The following CSPP1 variants were observed in gnomAD, a reference collection of about 807,000 sequenced individuals.
The protein encoded by CSPP1 is centrosome and spindle pole associated protein 1, also known as centrosome and spindle pole-associated protein 1.
CSPP1 carries 126 observed loss-of-function variants against 164.4 expected under a neutral mutation model. That is an observed-to-expected ratio of 0.77 (90% CI 0.66 to 0.89). The LOEUF (loss-of-function observed/expected upper bound fraction) is 0.89, where lower values mean the gene tolerates loss of function less well. CSPP1 is among the 40% of genes least tolerant of loss of function. The pLI is 0.00. For synonymous variants in CSPP1, 472 were observed against 476.7 expected (o/e 0.99, Z 0.13); for missense variants, 1,395 against 1,449.8 (o/e 0.96, Z 0.61).
Position 67,137,515 on chromosome 8 carries a change from T to C in CSPP1, c.1887T>C (p.Ala629=). 6.3e-7 allele frequency: 1 copy of C among 1,585,788 alleles called. No homozygotes were observed. Among genetic ancestry groups the C allele is most frequent in the Non-Finnish European group, 8.6e-7 (1 of 1,161,904 alleles). ...KEREEKEEYE[A]KLEAEMRTYN... ...GTGAAGAAAAAGAAGAATATGAAGC[T>C]AAATTAGAAGCTGAAATGAGAACAT... The change falls in exon 17 of 31, where the codon GCT becomes GCC. Residue 629 remains alanine, a synonymous_variant. Coordinates refer to ENST00000678616, the MANE Select transcript of CSPP1 (RefSeq NM_001382391.1).
intron 1 of CSPP1, chr8:67,069,208 A>C (rs1402316157): frequency 6.6e-6 from 1 of 152,216 alleles, no homozygotes; most frequent in East Asian, 1.9e-4. Context: ...CTTTGGCTGG[A>C]GATCATTACC....
In CSPP1 at chr8:67,192,999, G is replaced by C. The variant is rs140303373; in HGVS notation, c.3331-465G>C. On this transcript the variant is annotated intron_variant, in intron 29 of 30. Transcript: ENST00000678616. ...ATCACAAATGTTACTCCTTATCCTT[G>C]AGAGTCATCTGAGCTTGCATGGATA... is the stretch of plus-strand genomic sequence containing the variant. Among the ~76,000 whole-genome samples, 46 of 152,262 alleles carry C rather than the reference G, an allele frequency of 3.0e-4. 1 individual carries two copies. The highest frequency in any genetic ancestry group is 1.1e-3 in the African/African-American group (44 of 41,536).
chr8:67,118,927 GT>G, intron 15 of CSPP1, 106 bp downstream of exon 15: 1 of 719,492 alleles, frequency 1.4e-6, no homozygotes. Context: ...CTATTTAGTG[GT>G]ATTTAATATT....
At chr8:67,168,156 G>T (rs1586683106) in intron 24 of CSPP1, among the ~76,000 whole-genome samples, 1 of 152,276 alleles carries the variant, frequency 6.6e-6, no homozygotes, top group South Asian at 2.1e-4. Context: ...AACTAGTCAG[G>T]CGTGGTGGCG....
Position 67,149,944 on chromosome 8 carries a change from T to C in CSPP1, c.2128+9T>C. 2 of 1,363,356 alleles carry C rather than the reference T, an allele frequency of 1.5e-6. No individual in the cohort carries two copies. Among genetic ancestry groups the C allele is most frequent in the Middle Eastern group, 2.4e-4 (1 of 4,246 alleles). The allele number at this position is 1,363,356 out of a possible 1,614,324, so 84.5% of individuals were successfully genotyped here. A position where few individuals can be genotyped will look rare whatever the true frequency, so the allele number is the denominator to read the frequency against. ...TGCAAATAAAAGCTCAGGTTTTTAA[T>C]CACTTTTTTTTTTTTTTTTTTTTTT... On this transcript the variant is annotated intron_variant, in intron 18 of 30. Coordinates refer to ENST00000678616, the MANE Select transcript of CSPP1 (RefSeq NM_001382391.1).
intron 4 of CSPP1, among the ~76,000 whole-genome samples, chr8:67,089,292 A>C (rs1811127378): frequency 6.6e-6 from 1 of 152,176 alleles, no homozygotes; most frequent in Non-Finnish European, 1.5e-5. Context: ...TGACCATCTA[A>C]ACACAGAAAA....
chr8:67,133,239 G>A (rs185206687), intron 16 of CSPP1, among the ~76,000 whole-genome samples: 1 of 152,302 alleles, frequency 6.6e-6, no homozygotes, highest in Admixed American at 6.5e-5. Context: ...TTTCCAAAAT[G>A]TAGACACTTG....
intron 18 of CSPP1, among the ~76,000 whole-genome samples, chr8:67,150,690 C>T (rs928735389): frequency 6.6e-6 from 1 of 152,062 alleles, no homozygotes; most frequent in Non-Finnish European, 1.5e-5. Context: ...CGTGAGCCAT[C>T]GCCTGGTTAC....
intron 9 of CSPP1, among the ~76,000 whole-genome samples, chr8:67,106,375 G>A (rs1417957432): frequency 6.6e-6 from 1 of 151,870 alleles, no homozygotes; most frequent in African/African-American, 2.4e-5. Flanking sequence ...CTCTGTTGCA[G>A]TGTGGCTGTT....
At chr8:67,141,729 G>C (rs1215650856) in intron 17 of CSPP1, among the ~76,000 whole-genome samples, 1 of 152,078 alleles carries the variant, frequency 6.6e-6, no homozygotes, top group East Asian at 1.9e-4. Context: ...CCATGTTGGT[G>C]GTCTTGAACT....
In CSPP1 at chr8:67,072,604, G is replaced by A. The variant is rs564043137; in HGVS notation, c.-10-1639G>A. 6.2e-4 allele frequency among the ~76,000 whole-genome samples: 94 copies of A among 152,062 alleles called. 2 individuals are homozygous for A. Among genetic ancestry groups the A allele is most frequent in the South Asian group, 6.0e-3 (29 of 4,820 alleles). ...GGAACACTTTGGGAGGCCGAGGCAG[G>A]AGGATCACTTGAGTCCAGGAATTGA... On this transcript the variant is annotated intron_variant, in intron 1 of 30. Coordinates refer to ENST00000678616, the MANE Select transcript of CSPP1 (RefSeq NM_001382391.1).
intron 16 of CSPP1, chr8:67,135,078 C>T (rs1321309847): frequency 6.6e-6 from 1 of 152,200 alleles, no homozygotes; most frequent in African/African-American, 2.4e-5. Context: ...TTTAGTGGAA[C>T]CACCTTCATC....
intron 28 of CSPP1, among the ~76,000 whole-genome samples, chr8:67,184,213 A>C (rs2129572668): frequency 6.6e-6 from 1 of 152,344 alleles, no homozygotes; most frequent in African/African-American, 2.4e-5. Context: ...TACATGAAGA[A>C]AGTAGAAAGA....
intron 13 of CSPP1, 94 bp downstream of exon 13, chr8:67,116,216 T>G: frequency 1.1e-6 from 1 of 900,784 alleles, no homozygotes; most frequent in Non-Finnish European, 1.8e-6. Flanking sequence ...ACGTTATTCT[T>G]CAGAGATTTT....
intron 28 of CSPP1, among the ~76,000 whole-genome samples, chr8:67,189,110 C>CT (rs1835488545): frequency 6.6e-6 from 1 of 152,220 alleles, no homozygotes; most frequent in African/African-American, 2.4e-5. Flanking sequence ...ATTCAAAACA[C>CT]TGACACCAAA....
chr8:67,069,252 A>G (rs1013125875), intron 1 of CSPP1: 1 of 152,244 alleles, frequency 6.6e-6, no homozygotes, highest in South Asian at 2.1e-4. Flanking sequence ...TGACTCTTTA[A>G]TATTAAAGTC....
chr8:67,104,260 G>GTTTTTTTT (rs374929933), intron 8 of CSPP1, among the ~76,000 whole-genome samples: 1 of 140,876 alleles, frequency 7.1e-6, no homozygotes, highest in African/African-American at 2.6e-5. Context: ...TCCAAGAAAG[G>GTTTTTTTT]TTTTTTTTTT....
intron 1 of CSPP1, among the ~76,000 whole-genome samples, chr8:67,066,484 C>T (rs1009977375): frequency 6.6e-6 from 1 of 152,052 alleles, no homozygotes; most frequent in African/African-American, 2.4e-5. Flanking sequence ...TCCTGTTCCC[C>T]TACTCTAGGG....
intron 3 of CSPP1, among the ~76,000 whole-genome samples, chr8:67,078,001 G>T (rs1047725730): frequency 2.0e-5 from 3 of 151,948 alleles, no homozygotes; most frequent in African/African-American, 2.4e-5. Flanking sequence ...AATCTCTAAG[G>T]CTCTCAATTT....
Sources: gnomAD v4.1 joint callset for allele counts (sites outside exome capture counted in the v4.1 genomes callset) on GRCh38, gnomAD v4.1.1 for gene constraint, MANE v1.5 for transcripts, NCBI Gene and HGNC (gene_info 2026-07-23, HGNC 2026-07-21) for gene names.